Variants in PCDHGA1 observed in about 807,000 individuals in gnomAD.
PCDHGA1 encodes protocadherin gamma subfamily A, 1, also known as protocadherin gamma-A1.
In PCDHGA1, 32 loss-of-function variants were observed where a neutral mutation model predicts 58.0. The observed-to-expected ratio is 0.55, with a 90% CI of 0.42 to 0.74. The LOEUF is 0.74. Among genes scored for constraint, PCDHGA1 ranks in the 30% least tolerant of loss-of-function variants. The pLI is 0.00. For missense variants in PCDHGA1, 1,205 were observed against 1,182.3 expected, an observed-to-expected ratio of 1.02 and a Z score of -0.28; for synonymous variants, 498 against 501.1, an observed-to-expected ratio of 0.99 and a Z score of 0.08.
At chr5:141,497,464 T>C (rs1277760390) in intron 2 of PCDHGA1, among the ~76,000 whole-genome samples, 1 of 151,764 alleles carries the variant, frequency 6.6e-6, no homozygotes, top group Admixed American at 6.6e-5. Context: ...CTTGGAGATA[T>C]GGAGGAGAAG....
intron 1 of PCDHGA1, chr5:141,412,602 T>G (rs1239898248): frequency 6.6e-6 from 1 of 152,188 alleles, no homozygotes; most frequent in African/African-American, 2.4e-5. Flanking sequence ...CTAAATAAAA[T>G]TGGCCTATTC....
chr5:141,427,370 G>A (rs915167509), intron 1 of PCDHGA1: 17 of 457,836 alleles, frequency 3.7e-5, no homozygotes, highest in African/African-American at 2.4e-4. Flanking sequence ...AACCCTGGAC[G>A]GTGATCACTC....
chr5:141,374,039 G>A, intron 1 of PCDHGA1: 1 of 1,456,944 alleles, frequency 6.9e-7, no homozygotes, highest in Non-Finnish European at 9.1e-7. Flanking sequence ...ATGCAGATCT[G>A]TTCTTCCTCT....
Position 141,376,079 on chromosome 5 carries a change from G to A in PCDHGA1, c.2421+42974G>A, listed in dbSNP as rs367626751. ...TGTCACGCTCACCGTGGCCGTGGCC[G>A]ACAGGATCCCCGACATCCTGGCCGA... is the stretch of plus-strand genomic sequence containing the variant. On this transcript the variant is annotated intron_variant, in intron 1 of 3. Coordinates refer to ENST00000517417, the MANE Select transcript of PCDHGA1 (RefSeq NM_018912.3). The A allele has an allele frequency of 5.8e-5, 93 of 1,613,564 alleles. No individual in the cohort carries two copies. The highest frequency in any genetic ancestry group is 1.3e-4 in the Admixed American group (8 of 60,010).
intron 1 of PCDHGA1, among the ~76,000 whole-genome samples, chr5:141,462,493 A>G (rs1432919197): frequency 2.0e-5 from 3 of 152,144 alleles, no homozygotes; most frequent in South Asian, 4.1e-4. Context: ...GTTGTATCCT[A>G]TAATTGTCAA....
At chr5:141,427,515 G>A (rs753526003) in intron 1 of PCDHGA1, 16 of 596,944 alleles carry the variant, frequency 2.7e-5, no homozygotes, top group African/African-American at 2.2e-4. Context: ...CCTGGATTGG[G>A]AGCGGATCCC....
chr5:141,409,441 G>A (rs1432743588), intron 1 of PCDHGA1: 1 of 1,613,884 alleles, frequency 6.2e-7, no homozygotes, highest in Admixed American at 1.7e-5. Context: ...TGGACCGAGA[G>A]CAGACACCAG....
At chr5:141,484,916 CCTG>C (rs34524370) in intron 1 of PCDHGA1, 64,782 of 456,708 alleles carry the variant, frequency 0.14, 4,878 homozygotes, top group African/African-American at 0.18. Context: ...ACGCATTAAC[CCTG>C]CTGCTGTTGG....
At chr5:141,507,450 CAG>C (rs940460926) in intron 3 of PCDHGA1, among the ~76,000 whole-genome samples, 3 of 152,168 alleles carry the variant, frequency 2.0e-5, no homozygotes, top group African/African-American at 7.2e-5. Flanking sequence ...GACGGAAGGA[CAG>C]AGAGAGAGGT....
At chr5:141,482,761 ATT>A (rs2099571906) in intron 1 of PCDHGA1, among the ~76,000 whole-genome samples, 1 of 127,370 alleles carries the variant, frequency 7.9e-6, no homozygotes, top group Admixed American at 7.7e-5. Flanking sequence ...ATGGTATTTC[ATT>A]ATCACTGAAC....
chr5:141,340,335 C>T (rs764132682), intron 1 of PCDHGA1: 2 of 1,614,210 alleles, frequency 1.2e-6, no homozygotes, highest in Non-Finnish European at 1.7e-6. Context: ...TTCTCCCGCA[C>T]ATCCTACTCC....
chr5:141,372,962 A>T, intron 1 of PCDHGA1: 2 of 706,258 alleles, frequency 2.8e-6, no homozygotes, highest in Non-Finnish European at 4.5e-6. Context: ...TCTTTGTAGA[A>T]TTTCCTGTAG....
chr5:141,391,303 ATTCTTTTTTTT>A (rs2092340493), intron 1 of PCDHGA1: 1 of 150,682 alleles, frequency 6.6e-6, no homozygotes, highest in South Asian at 2.1e-4. Flanking sequence ...ACGTCTTTCG[ATTCTTTTTTTT>A]TTCTTTTTTT....
intron 1 of PCDHGA1, among the ~76,000 whole-genome samples, chr5:141,382,287 C>G (rs1263948846): frequency 7.2e-5 from 11 of 152,114 alleles, no homozygotes; most frequent in Non-Finnish European, 1.5e-4. Context: ...TCAATTAATA[C>G]TGAATTAATT....
chr5:141,393,578 G>A (rs748225192), intron 1 of PCDHGA1: 2 of 1,613,812 alleles, frequency 1.2e-6, no homozygotes, highest in South Asian at 1.1e-5. Context: ...TTGAGAACAT[G>A]CCCCCAGGCA....
At chr5:141,447,163 G>T (rs11167747) in intron 1 of PCDHGA1, among the ~76,000 whole-genome samples, 6,233 of 151,894 alleles carry the variant, frequency 0.041, 196 homozygotes, top group Admixed American at 0.075. Flanking sequence ...TGTTTAAGCG[G>T]GGTCTTGCTC....
chr5:141,340,550 G>A (rs758328923), intron 1 of PCDHGA1: 1 of 1,614,258 alleles, frequency 6.2e-7, no homozygotes, highest in East Asian at 2.2e-5. Context: ...GCAGTTGCGA[G>A]ACTTGCAAGT....
intron 1 of PCDHGA1, chr5:141,388,895 T>C (rs2150370716): frequency 6.2e-7 from 1 of 1,613,946 alleles, no homozygotes; most frequent in Non-Finnish European, 8.5e-7. Flanking sequence ...AAGTCATAGA[T>C]GAAAATGACA....
chr5:141,350,815 A>G (rs1758568348), intron 1 of PCDHGA1: 2 of 1,613,904 alleles, frequency 1.2e-6, no homozygotes, highest in African/African-American at 1.3e-5. Context: ...GTCCTGATGG[A>G]AGTAAATATC....
Sources: allele counts gnomAD v4.1 joint callset (sites outside exome capture counted in the v4.1 genomes callset), GRCh38; gene constraint gnomAD v4.1.1; transcripts MANE v1.5; gene names NCBI Gene and HGNC (gene_info 2026-07-23, HGNC 2026-07-21).